Variants in LNPEP observed in about 807,000 individuals in gnomAD.
LNPEP encodes leucyl-cystinyl aminopeptidase.
LNPEP carries 64 observed loss-of-function variants against 120.6 expected under a neutral mutation model. That is an observed-to-expected ratio of 0.53 (90% confidence interval 0.43 to 0.65). The LOEUF (loss-of-function observed/expected upper bound fraction) is 0.65, where lower values mean the gene tolerates loss of function less well. Ranked by LOEUF, LNPEP falls within the 30% of genes least tolerant of loss-of-function variation. The probability of loss-of-function intolerance (pLI) is 0.00; values close to 1 mark genes in which losing one functional copy is unlikely to be tolerated. For synonymous variants in LNPEP, 435 were observed against 425.4 expected (o/e 1.02, Z -0.28); for missense variants, 1,057 against 1,200.0 (o/e 0.88, Z 1.76).
At chr5:96,936,483 A>G in intron 1 of LNPEP, 1 of 304,148 alleles carries the variant, frequency 3.3e-6, no homozygotes, top group Non-Finnish European at 6.0e-6. Context: ...GAAAGTTGGC[A>G]GCTCAGGTTT....
intron 5 of LNPEP, 21 bp downstream of exon 5, chr5:96,993,156 C>A: frequency 6.6e-7 from 1 of 1,517,706 alleles, no homozygotes; most frequent in South Asian, 1.2e-5. Context: ...AATAGTGTGT[C>A]TGATTTTTGT....
In LNPEP at chr5:97,006,489, C is replaced by T. The variant is rs769954610; in HGVS notation, c.2009C>T (p.Ser670Leu). ...GGAAGAAATTATTCAAAATATCAATCGGTATCATTACTGGATAAGAAATCA... is the reference window on the plus strand; with the variant it reads ...GGAAGAAATTATTCAAAATATCAATTGGTATCATTACTGGATAAGAAATCA... ...TEGRNYSKYQ[S>L]VSLLDKKSGV... The change falls in exon 11 of 18, where the codon TCG (serine) becomes TTG (leucine). Residue 670 changes from serine (S) to leucine (L), a missense_variant. Transcript: ENST00000231368. 19 of 1,558,702 alleles carry T rather than the reference C, an allele frequency of 1.2e-5. No homozygotes were observed. The highest frequency in any genetic ancestry group is 6.7e-5 in the Admixed American group (4 of 59,686).
chr5:97,035,390 G>T lies in LNPEP; in HGVS notation c.*6857G>T, dbSNP rs1181716027. On this transcript the variant is annotated 3_prime_UTR_variant, in exon 18 of 18. Coordinates refer to ENST00000231368, the MANE Select transcript of LNPEP (RefSeq NM_005575.3). ...GCAATAGGAAGTAGAATAGTTGTGT[G>T]TTGTTTACTTACTTGTCTGTTTTAG... 6.6e-6 allele frequency: 1 copy of T among 152,066 alleles called. No individual in the cohort carries two copies. Among genetic ancestry groups the T allele is most frequent in the Non-Finnish European group, 1.5e-5 (1 of 68,004 alleles). 9.4% of individuals were successfully genotyped at this position (152,066 alleles called of 1,614,324 possible). A position where few individuals can be genotyped will look rare whatever the true frequency, so the allele number is the denominator to read the frequency against.
At chr5:96,992,912 A>G (rs987561587) in intron 4 of LNPEP, 103 bp from the exon 5 acceptor site, 4 of 807,100 alleles carry the variant, frequency 5.0e-6, no homozygotes, top group African/African-American at 1.7e-5. Context: ...ATCTCATACA[A>G]TTCTATAGAA....
At chr5:97,023,340 A>G (rs552534251) in intron 14 of LNPEP, among the ~76,000 whole-genome samples, 20 of 151,872 alleles carry the variant, frequency 1.3e-4, no homozygotes, top group East Asian at 1.2e-3. Context: ...TGCAACCTCC[A>G]CTTCTCGGGT....
intron 9 of LNPEP, among the ~76,000 whole-genome samples, chr5:97,005,661 A>T (rs1790762154): frequency 6.6e-6 from 1 of 152,202 alleles, no homozygotes; most frequent in Admixed American, 6.5e-5. Flanking sequence ...ATTGAGTAGC[A>T]GTGTTTCTGA....
chr5:97,023,393 A>G (rs1454849879), intron 14 of LNPEP, among the ~76,000 whole-genome samples: 1 of 152,054 alleles, frequency 6.6e-6, no homozygotes, highest in Non-Finnish European at 1.5e-5. Context: ...AGCTGGGATT[A>G]CAGGCATCCG....
chr5:97,012,284 C>T (rs1415572406), intron 11 of LNPEP, among the ~76,000 whole-genome samples: 1 of 152,020 alleles, frequency 6.6e-6, no homozygotes, highest in Non-Finnish European at 1.5e-5. Context: ...AAGTATAAGA[C>T]AAAAACTTGG....
intron 17 of LNPEP, among the ~76,000 whole-genome samples, chr5:97,028,159 T>G (rs1279533137): frequency 6.6e-6 from 1 of 152,244 alleles, no homozygotes; most frequent in Non-Finnish European, 1.5e-5. Flanking sequence ...CTTGGTTCCA[T>G]TTTAAGTTAG....
chr5:97,006,064 ATT>A lies in LNPEP; in HGVS notation c.1786-6_1786-5del. The A allele has an allele frequency of 4.4e-6, 5 of 1,129,132 alleles. No homozygotes were observed. Among genetic ancestry groups the A allele is most frequent in the South Asian group, 1.9e-5 (1 of 51,426 alleles). The allele number at this position is 1,129,132 out of a possible 1,614,324, so 69.9% of individuals were successfully genotyped here. On this transcript the variant is annotated splice_polypyrimidine_tract_variant and splice_region_variant and intron_variant, in intron 9 of 17. Coordinates refer to ENST00000231368, the MANE Select transcript of LNPEP (RefSeq NM_005575.3). ...AAAAGTTTTATATATATATATATAT[ATT>A]TTGTAGGTCACAAACCAAACACTAG... is the stretch of plus-strand genomic sequence containing the variant.
rs1038200871 is a variant in LNPEP at position 96,959,891 on chromosome 5, T to G, written c.20-19247T>G. Among the ~76,000 whole-genome samples, 5 of 152,004 alleles carry G rather than the reference T, an allele frequency of 3.3e-5. No individual in the cohort carries two copies. The East Asian group carries it at 9.6e-4, about 29-fold the overall frequency. On this transcript the variant is annotated intron_variant, in intron 1 of 17. Transcript: ENST00000231368. The stretch of plus-strand genomic sequence containing the variant: ...TACTAAATAATATTCACATGTATAT[T>G]TCAACACATTTTAAATTCAGCCAAC...
At position 96,993,051 on chromosome 5, in the gene LNPEP, G is replaced by A; in HGVS notation, c.1168G>A (p.Val390Ile). Reference sequence around the variant, plus strand: ...TGCTGTACCAGAAAAGATTGGTCAAGTTCATTATGCCTTGGAAACAACTGT... The same window carrying A: ...TGCTGTACCAGAAAAGATTGGTCAAATTCATTATGCCTTGGAAACAACTGT... ...IYAVPEKIGQ[V>I]HYALETTVKL... The change falls in exon 5 of 18, where the codon GTT becomes ATT. Residue 390 changes from valine (V) to isoleucine (I), a missense_variant. Transcript: ENST00000231368. 6.3e-7 allele frequency: 1 copy of A among 1,598,250 alleles called. No homozygotes were observed. Among genetic ancestry groups the A allele is most frequent in the Non-Finnish European group, 8.6e-7 (1 of 1,169,134 alleles).
intron 3 of LNPEP, among the ~76,000 whole-genome samples, chr5:96,985,534 C>T (rs371903494): frequency 3.3e-5 from 5 of 152,154 alleles, no homozygotes; most frequent in African/African-American, 1.2e-4. Context: ...TTTTCTGAGA[C>T]AGGATGAATT....
chr5:96,965,930 T>G (rs1420100160), intron 1 of LNPEP, among the ~76,000 whole-genome samples: 3 of 152,160 alleles, frequency 2.0e-5, no homozygotes, highest in Non-Finnish European at 4.4e-5. Context: ...GTCCTGTCCT[T>G]GATCTTTTTC....
At chr5:96,956,701 ATTGT>A (rs1156665018) in intron 1 of LNPEP, among the ~76,000 whole-genome samples, 1 of 151,980 alleles carries the variant, frequency 6.6e-6, no homozygotes, top group Non-Finnish European at 1.5e-5. Flanking sequence ...GTTTGAGGTG[ATTGT>A]TTCTTCAGAT....
At chr5:97,015,379 T>G (rs1391385208) in intron 13 of LNPEP, among the ~76,000 whole-genome samples, 2 of 152,154 alleles carry the variant, frequency 1.3e-5, no homozygotes, top group Non-Finnish European at 2.9e-5. Flanking sequence ...AGATCCTGTT[T>G]TATTTCTACA....
intron 11 of LNPEP, among the ~76,000 whole-genome samples, chr5:97,008,973 G>A (rs1582024771): frequency 6.6e-6 from 1 of 152,032 alleles, no homozygotes; most frequent in East Asian, 1.9e-4. Flanking sequence ...CTTTACCTGA[G>A]TTTATTCTGA....
At position 96,979,470 on chromosome 5, in the gene LNPEP, A is replaced by G; in HGVS notation, c.352A>G (p.Ile118Val). ...GACCATGGTGGTCTGTGCTTTTGTC[A>G]TCGTGGTTGCTGTTTCTGTAATCAT... is the stretch of plus-strand genomic sequence containing the variant. ...ARTMVVCAFVIVVAVSVIMVI... is the reference protein window; with the variant it reads ...ARTMVVCAFVVVVAVSVIMVI... Residue 118 changes from isoleucine to valine, a missense_variant, in exon 2 of 18, where the codon ATC becomes GTC. By Grantham distance (29) the Ile-to-Val change is conservative. Coordinates refer to ENST00000231368, the MANE Select transcript of LNPEP (RefSeq NM_005575.3). The G allele has an allele frequency of 6.2e-7, 1 of 1,614,106 alleles. No individual in the cohort carries two copies. The highest frequency in any genetic ancestry group is 1.1e-5 in the South Asian group (1 of 91,082).
At chr5:96,985,746 G>A (rs1430919129) in intron 3 of LNPEP, among the ~76,000 whole-genome samples, 1 of 150,254 alleles carries the variant, frequency 6.7e-6, no homozygotes, top group East Asian at 1.9e-4. Context: ...GGAGCCTAGG[G>A]GGTCTTTTTT....
Sources: allele counts gnomAD v4.1 joint callset (sites outside exome capture counted in the v4.1 genomes callset), GRCh38; gene constraint gnomAD v4.1.1; transcripts MANE v1.5; gene names NCBI Gene and HGNC (gene_info 2026-07-23, HGNC 2026-07-21).